Variants in ADCY2 observed in about 807,000 individuals in gnomAD.
ADCY2 encodes the protein adenylate cyclase type 2.
In ADCY2, 31 loss-of-function variants were observed where a neutral mutation model predicts 125.2. The observed-to-expected ratio is 0.25, with a 90% CI of 0.19 to 0.33. The LOEUF is 0.33. ADCY2 is among the 10% of genes least tolerant of loss of function. ADCY2 has a pLI of 1.00. For missense variants in ADCY2, 904 were observed against 1,418.2 expected, an observed-to-expected ratio of 0.64 and a Z score of 5.82; for synonymous variants, 512 against 548.4, an observed-to-expected ratio of 0.93 and a Z score of 0.93.
chr5:7,542,413 G>A (rs1239618175), intron 3 of ADCY2, among the ~76,000 whole-genome samples: 1 of 152,076 alleles, frequency 6.6e-6, no homozygotes, highest in Non-Finnish European at 1.5e-5. Context: ...CAGTGTCCCT[G>A]ATTCAATTAT....
chr5:7,477,391 T>A (rs1742564501), intron 2 of ADCY2, among the ~76,000 whole-genome samples: 1 of 152,228 alleles, frequency 6.6e-6, no homozygotes, highest in Non-Finnish European at 1.5e-5. Context: ...AATACATAGA[T>A]GAAGTGGTGC....
chr5:7,586,236 G>A (rs1053950059), intron 3 of ADCY2, among the ~76,000 whole-genome samples: 3 of 152,134 alleles, frequency 2.0e-5, no homozygotes, highest in East Asian at 1.9e-4. Context: ...CTGGCAAACC[G>A]ATATGATAAA....
intron 2 of ADCY2, among the ~76,000 whole-genome samples, chr5:7,474,380 G>A (rs1742444592): frequency 1.3e-5 from 2 of 152,188 alleles, no homozygotes; most frequent in Admixed American, 1.3e-4. Context: ...GGAAAAAATG[G>A]GAGTGCTCTG....
intron 3 of ADCY2, among the ~76,000 whole-genome samples, chr5:7,527,437 A>G (rs1409946196): frequency 6.6e-6 from 1 of 152,194 alleles, no homozygotes; most frequent in Non-Finnish European, 1.5e-5. Flanking sequence ...TTTGTATTTG[A>G]AACTCACTTT....
At chr5:7,596,283 C>G (rs547647707) in intron 3 of ADCY2, among the ~76,000 whole-genome samples, 1,592 of 151,972 alleles carry the variant, frequency 0.01, 6 homozygotes, top group Admixed American at 0.014. Context: ...ACTCCCCCCC[C>G]CCACCAGTTA....
At chr5:7,466,859 C>T (rs372283217) in intron 2 of ADCY2, among the ~76,000 whole-genome samples, 3 of 152,178 alleles carry the variant, frequency 2.0e-5, no homozygotes, top group Admixed American at 2.0e-4. Flanking sequence ...TTCACTTGCT[C>T]AATCCTCACA....
chr5:7,756,076 G>C (rs1380831555), intron 15 of ADCY2, among the ~76,000 whole-genome samples: 1 of 152,216 alleles, frequency 6.6e-6, no homozygotes, highest in Admixed American at 6.5e-5. Flanking sequence ...CCACAGGCCC[G>C]TTAGTGTGAA....
Position 7,665,858 on chromosome 5 carries a change from A to G in ADCY2, c.721-24833A>G, listed in dbSNP as rs574472037. On this transcript the variant is annotated intron_variant, in intron 4 of 24. Coordinates refer to ENST00000338316, the MANE Select transcript of ADCY2 (RefSeq NM_020546.3). The stretch of plus-strand genomic sequence containing the variant: ...TTTTTTTTTTTTTTTTTTTTTTTTG[A>G]GACAGAATCTCGCTCTGTAGCCCAG... 4.8e-3 allele frequency among the ~76,000 whole-genome samples: 78 copies of G among 16,334 alleles called. 1 individual carries two copies. Among genetic ancestry groups the G allele is most frequent in the African/African-American group, 0.021 (76 of 3,690 alleles). The allele number at this position is 16,334 out of a possible 152,430, so 10.7% of individuals were successfully genotyped here. A position where few individuals can be genotyped will look rare whatever the true frequency, so the allele number is the denominator to read the frequency against.
intron 3 of ADCY2, among the ~76,000 whole-genome samples, chr5:7,599,385 G>C (rs1737121408): frequency 6.6e-6 from 1 of 152,214 alleles, no homozygotes; most frequent in Non-Finnish European, 1.5e-5. Flanking sequence ...TGTGGGAAAA[G>C]GATAGGTCAA....
chr5:7,588,199 A>T (rs1173609052), intron 3 of ADCY2, among the ~76,000 whole-genome samples: 5 of 152,226 alleles, frequency 3.3e-5, no homozygotes, highest in African/African-American at 1.2e-4. Context: ...AAATATTTTT[A>T]AAATGGAATG....
At chr5:7,522,334 C>A (rs1744473079) in intron 3 of ADCY2, 1 of 152,072 alleles carries the variant, frequency 6.6e-6, no homozygotes. Flanking sequence ...ACCAACTTTT[C>A]CCCATTTTCC....
chr5:7,699,995 ATCT>A (rs1187854132), intron 7 of ADCY2, among the ~76,000 whole-genome samples: 1 of 152,232 alleles, frequency 6.6e-6, no homozygotes, highest in Non-Finnish European at 1.5e-5. Context: ...AATTTTGAAC[ATCT>A]TCTTTGATCT....
At chr5:7,696,003 G>A in intron 6 of ADCY2, 140 bp downstream of exon 6, 9 of 561,748 alleles carry the variant, frequency 1.6e-5, no homozygotes, top group South Asian at 2.6e-5. Flanking sequence ...GGATTTCTTT[G>A]CTATTGATCT....
At chr5:7,806,141 A>C (rs1442309595) in intron 22 of ADCY2, among the ~76,000 whole-genome samples, 4 of 152,206 alleles carry the variant, frequency 2.6e-5, no homozygotes, top group Non-Finnish European at 4.4e-5. Context: ...AAAGTGTTAA[A>C]AAAATTGAAA....
At chr5:7,793,549 C>G (rs1744324773) in intron 20 of ADCY2, 1 of 152,310 alleles carries the variant, frequency 6.6e-6, no homozygotes, top group African/African-American at 2.4e-5. Context: ...GCAGCATGGC[C>G]TAACAGGAGC....
intron 3 of ADCY2, among the ~76,000 whole-genome samples, chr5:7,607,747 T>C (rs1020928476): frequency 9.9e-5 from 15 of 152,256 alleles, no homozygotes; most frequent in African/African-American, 3.4e-4. Flanking sequence ...TGATTCATTA[T>C]AGTTGTAAGC....
At chr5:7,484,969 A>AT (rs1470706292) in intron 2 of ADCY2, among the ~76,000 whole-genome samples, 5 of 152,196 alleles carry the variant, frequency 3.3e-5, no homozygotes, top group African/African-American at 1.2e-4. Flanking sequence ...CGTAGACCCC[A>AT]TGCCAATCTG....
intron 2 of ADCY2, among the ~76,000 whole-genome samples, chr5:7,460,511 T>G (rs1223506213): frequency 6.6e-6 from 1 of 152,210 alleles, no homozygotes; most frequent in African/African-American, 2.4e-5. Context: ...ATTATCAAAA[T>G]TAAAACTCTT....
rs763557121 is a variant in ADCY2, at chr5:7,757,551, A to T, written c.2059A>T (p.Thr687Ser). Residue 687 changes from threonine to serine, a missense_variant, in exon 16 of 25, where the codon ACA (threonine) becomes TCA (serine). Transcript: ENST00000338316. ...WPRISLTIIT[T>S]AIILMMAVFN... ...ACGGATCTCTCTCACGATCATCACCACAGCCATCATATTAATGATGGCCGT... is the reference window on the plus strand; with the variant it reads ...ACGGATCTCTCTCACGATCATCACCTCAGCCATCATATTAATGATGGCCGT... 6.4e-7 allele frequency: 1 copy of T among 1,562,232 alleles called. No homozygotes were observed. Among genetic ancestry groups the T allele is most frequent in the Non-Finnish European group, 8.6e-7 (1 of 1,158,614 alleles).
Sources: gnomAD v4.1 joint callset for allele counts (sites outside exome capture counted in the v4.1 genomes callset) on GRCh38, gnomAD v4.1.1 for gene constraint, MANE v1.5 for transcripts, NCBI Gene and HGNC (gene_info 2026-07-23, HGNC 2026-07-21) for gene names.